The following CTIF variants were observed in gnomAD, a reference collection of about 807,000 sequenced individuals.
CTIF encodes CBP80/20-dependent translation initiation factor.
CTIF carries 21 observed loss-of-function variants against 66.0 expected under a neutral mutation model. That is an observed-to-expected ratio of 0.32 (90% CI 0.23 to 0.46). The LOEUF (loss-of-function observed/expected upper bound fraction) is 0.46, where lower values mean the gene tolerates loss of function less well. Ranked by LOEUF, CTIF falls within the 20% of genes least tolerant of loss-of-function variation. The pLI is 1.00. For missense variants in CTIF, 739 were observed against 812.7 expected, an observed-to-expected ratio of 0.91 and a Z score of 1.10; for synonymous variants, 345 against 326.4, an observed-to-expected ratio of 1.06 and a Z score of -0.62.
intron 7 of CTIF, among the ~76,000 whole-genome samples, chr18:48,746,476 C>T (rs543197065): frequency 6.6e-6 from 1 of 150,750 alleles, no homozygotes; most frequent in African/African-American, 2.4e-5. Context: ...GAAGATCAGG[C>T]GCAGGGACAA....
In CTIF at chr18:48,639,496, A is replaced by G. The variant is rs113514575; in HGVS notation, c.252+2811A>G. ...CACAGAGGAGGTGAGGGGGAGTTGC[A>G]CCTCCTGGATGGATGGCCAAGGTTC... is the stretch of plus-strand genomic sequence containing the variant. On this transcript the variant is annotated intron_variant, in intron 3 of 11. Coordinates refer to ENST00000256413, the MANE Select transcript of CTIF (RefSeq NM_014772.3). 5.1e-3 allele frequency among the ~76,000 whole-genome samples: 777 copies of G among 152,046 alleles called. 5 individuals carry two copies. The highest frequency in any genetic ancestry group is 0.034 in the Middle Eastern group (10 of 294).
chr18:48,624,180 A>G (rs972746133), intron 2 of CTIF, among the ~76,000 whole-genome samples: 2 of 116,052 alleles, frequency 1.7e-5, no homozygotes, highest in Non-Finnish European at 3.5e-5. Context: ...CGTATTTTAC[A>G]TCGTACCCCT....
intron 1 of CTIF, among the ~76,000 whole-genome samples, chr18:48,551,227 A>T (rs543565618): frequency 6.6e-6 from 1 of 151,906 alleles, no homozygotes; most frequent in South Asian, 2.1e-4. Context: ...CTGCAAGTCA[A>T]GACGGAGGCC....
At chr18:48,551,543 G>A (rs964532479) in intron 1 of CTIF, among the ~76,000 whole-genome samples, 1 of 152,142 alleles carries the variant, frequency 6.6e-6, no homozygotes, top group African/African-American at 2.4e-5. Context: ...TTATGCTTGT[G>A]TTTAGGACTT....
At chr18:48,783,076 A>C (rs7232148) in intron 9 of CTIF, among the ~76,000 whole-genome samples, 1,693 of 152,338 alleles carry the variant, frequency 0.011, 34 homozygotes, top group African/African-American at 0.039. Flanking sequence ...TTAGTGAATG[A>C]CAGGGTGTAC....
Position 48,727,068 on chromosome 18 carries a change from C to T in CTIF, c.584+15373C>T, listed in dbSNP as rs562092777. On this transcript the variant is annotated intron_variant, in intron 7 of 11. Transcript: ENST00000256413. ...CCTGAGATTTAAGGAGGCAAGTTAG[C>T]TGCACACACACACACACACACACAC... Among the ~76,000 whole-genome samples, 9 of 115,316 alleles carry T rather than the reference C, an allele frequency of 7.8e-5. No individual in the cohort carries two copies. The South Asian group carries it at 1.5e-3, about 20-fold the overall frequency. 75.7% of individuals were successfully genotyped at this position (115,316 alleles called of 152,430 possible). A position where few individuals can be genotyped will look rare whatever the true frequency, so the allele number is the denominator to read the frequency against.
intron 7 of CTIF, among the ~76,000 whole-genome samples, chr18:48,729,078 C>T (rs759118095): frequency 6.6e-6 from 1 of 152,186 alleles, no homozygotes; most frequent in Non-Finnish European, 1.5e-5. Flanking sequence ...ATCCTGTCCT[C>T]CCCTCTGCGC....
intron 1 of CTIF, among the ~76,000 whole-genome samples, chr18:48,553,238 G>T (rs1203702687): frequency 6.6e-6 from 1 of 152,218 alleles, no homozygotes; most frequent in African/African-American, 2.4e-5. Flanking sequence ...AGCGTGTGGG[G>T]AGAGGGTTGC....
At chr18:48,782,592 C>T (rs1911332548) in intron 9 of CTIF, among the ~76,000 whole-genome samples, 1 of 152,220 alleles carries the variant, frequency 6.6e-6, no homozygotes, top group South Asian at 2.1e-4. Flanking sequence ...GCCTTCTCAG[C>T]ATTCGCTTTC....
At chr18:48,656,143 A>G (rs1278585948) in intron 3 of CTIF, among the ~76,000 whole-genome samples, 1 of 152,172 alleles carries the variant, frequency 6.6e-6, no homozygotes, top group Non-Finnish European at 1.5e-5. Flanking sequence ...TGCCTTCCCA[A>G]TCATTAACAA....
intron 9 of CTIF, among the ~76,000 whole-genome samples, chr18:48,798,616 CG>C (rs1205385712): frequency 1.3e-5 from 2 of 152,186 alleles, no homozygotes; most frequent in Non-Finnish European, 2.9e-5. Context: ...AAGGCAGTTT[CG>C]GGGTGCACCC....
At chr18:48,717,437 ATAAATAAATAAT>A (rs1238143625) in intron 7 of CTIF, among the ~76,000 whole-genome samples, 1 of 147,572 alleles carries the variant, frequency 6.8e-6, no homozygotes, top group African/African-American at 2.6e-5. Flanking sequence ...AAATAAATAA[ATAAATAAATAAT>A]AAGAATTTTG....
intron 3 of CTIF, among the ~76,000 whole-genome samples, chr18:48,661,247 C>T (rs2144881192): frequency 6.6e-6 from 1 of 152,282 alleles, no homozygotes; most frequent in East Asian, 1.9e-4. Flanking sequence ...CGCCAGAGAA[C>T]ATTGGGTATT....
At chr18:48,814,353 C>CAGTT (rs1236444619) in intron 9 of CTIF, among the ~76,000 whole-genome samples, 7 of 152,302 alleles carry the variant, frequency 4.6e-5, no homozygotes, top group African/African-American at 1.7e-4. Context: ...CCACCCTGAC[C>CAGTT]AGTTACACAA....
rs543498687 is a variant in CTIF at position 48,553,805 on chromosome 18, G to A, written c.-29+14493G>A. 3.3e-5 allele frequency among the ~76,000 whole-genome samples: 5 copies of A among 149,970 alleles called. No homozygotes were observed. The South Asian group carries it at 1.1e-3, about 32-fold the overall frequency. On this transcript the variant is annotated intron_variant, in intron 1 of 11. Transcript: ENST00000256413. Reference sequence around the variant, plus strand: ...CGAGTAGCTGGGGCTACAGGTGCCCGCCACCATGCCCGGCTAATTTTTTGT... The same window carrying A: ...CGAGTAGCTGGGGCTACAGGTGCCCACCACCATGCCCGGCTAATTTTTTGT...
Position 48,731,850 on chromosome 18 carries a change from T to C in CTIF, c.584+20155T>C, listed in dbSNP as rs146443569. Among the ~76,000 whole-genome samples, 92 of 152,360 alleles carry C rather than the reference T, an allele frequency of 6.0e-4. No individual in the cohort carries two copies. The East Asian group carries it at 0.017, about 28-fold the overall frequency. On this transcript the variant is annotated intron_variant, in intron 7 of 11. Transcript: ENST00000256413. ...AAGTTTTCTACAAAGGACCAGAGAATAAATCTTTCAGGTTTTGCAGGCCAT... is the reference window on the plus strand; with the variant it reads ...AAGTTTTCTACAAAGGACCAGAGAACAAATCTTTCAGGTTTTGCAGGCCAT...
At chr18:48,635,146 C>T (rs2090789825) in intron 2 of CTIF, among the ~76,000 whole-genome samples, 1 of 152,104 alleles carries the variant, frequency 6.6e-6, no homozygotes, top group African/African-American at 2.4e-5. Context: ...GTAAGAATAA[C>T]ATCCATCCTG....
chr18:48,544,163 A>G lies in CTIF; in HGVS notation c.-29+4851A>G, dbSNP rs77498098. On this transcript the variant is annotated intron_variant, in intron 1 of 11. Transcript: ENST00000256413. Reference sequence around the variant, plus strand: ...GACAAAACTACTGGTAGGGAGAAGGACAGAAAGGTTGGATAGTGGTTGGTT... The same window carrying G: ...GACAAAACTACTGGTAGGGAGAAGGGCAGAAAGGTTGGATAGTGGTTGGTT... Among the ~76,000 whole-genome samples the G allele has an allele frequency of 4.5e-3, 680 of 152,362 alleles. 5 individuals are homozygous for G. Among genetic ancestry groups the G allele is most frequent in the Middle Eastern group, 0.027 (8 of 294 alleles).
At chr18:48,726,812 A>T (rs2092390884) in intron 7 of CTIF, among the ~76,000 whole-genome samples, 1 of 152,154 alleles carries the variant, frequency 6.6e-6, no homozygotes, top group South Asian at 2.1e-4. Flanking sequence ...AATTCCATAA[A>T]GTGGGGATCA....
Sources: allele counts gnomAD v4.1 joint callset (sites outside exome capture counted in the v4.1 genomes callset), GRCh38; gene constraint gnomAD v4.1.1; transcripts MANE v1.5; gene names NCBI Gene and HGNC (gene_info 2026-07-23, HGNC 2026-07-21).